The following CAPZA1 variants were observed in gnomAD, a reference collection of about 807,000 sequenced individuals.
CAPZA1 encodes F-actin-capping protein subunit alpha-1.
CAPZA1 carries 10 observed loss-of-function variants against 40.8 expected under a neutral mutation model. The observed-to-expected ratio is 0.25, with a 90% CI of 0.15 to 0.42. The LOEUF is 0.42. Ranked by LOEUF, CAPZA1 falls within the 10% of genes least tolerant of loss-of-function variation. CAPZA1 has a pLI of 1.00. For missense variants in CAPZA1, 277 were observed against 353.8 expected (o/e 0.78, Z 1.74); for synonymous variants, 98 against 115.0 (o/e 0.85, Z 0.95).
chr1:112,655,626 C>T (rs565531646), intron 5 of CAPZA1, among the ~76,000 whole-genome samples: 17 of 152,064 alleles, frequency 1.1e-4, no homozygotes, highest in South Asian at 2.1e-4. Flanking sequence ...GCAGGGGCAC[C>T]GTGTCAGCTC....
At chr1:112,648,699 AC>A (rs1298074229) in intron 2 of CAPZA1, among the ~76,000 whole-genome samples, 5 of 151,478 alleles carry the variant, frequency 3.3e-5, no homozygotes, top group African/African-American at 1.2e-4. Context: ...GTGGTGGCTC[AC>A]ACCTGGAATC....
chr1:112,653,523 T>C (rs753934292), intron 3 of CAPZA1, 75 bp from the exon 4 acceptor site: 48 of 964,380 alleles, frequency 5.0e-5, no homozygotes, highest in Non-Finnish European at 7.0e-5. Context: ...CCACCTTTTG[T>C]GTTTATTTAC....
chr1:112,640,467 C>G (rs1251610669), intron 1 of CAPZA1, among the ~76,000 whole-genome samples: 1 of 134,110 alleles, frequency 7.5e-6, no homozygotes, highest in South Asian at 2.3e-4. Context: ...GCCCAGCCAG[C>G]CGCCCAGTCC....
intron 1 of CAPZA1, among the ~76,000 whole-genome samples, chr1:112,637,905 G>GT (rs1671053206): frequency 6.6e-6 from 1 of 152,190 alleles, no homozygotes. Context: ...ATGCTTAACA[G>GT]TTGGGACAGA....
chr1:112,649,502 A>T, intron 3 of CAPZA1, 33 bp downstream of exon 3: 2 of 1,516,416 alleles, frequency 1.3e-6, no homozygotes, highest in Non-Finnish European at 9.2e-7. Flanking sequence ...TTAGAATGTT[A>T]CTCTAACATT....
chr1:112,665,312 G>C (rs538525620), intron 7 of CAPZA1, among the ~76,000 whole-genome samples: 5 of 151,792 alleles, frequency 3.3e-5, no homozygotes, highest in African/African-American at 9.7e-5. Context: ...AAGTAGCTGG[G>C]ATTACAGATG....
At chr1:112,631,950 A>G (rs1342996186) in intron 1 of CAPZA1, among the ~76,000 whole-genome samples, 1 of 152,240 alleles carries the variant, frequency 6.6e-6, no homozygotes, top group East Asian at 1.9e-4. Context: ...ATGAAATACA[A>G]TGACTCTTAG....
At chr1:112,649,624 A>T (rs1183506376) in intron 3 of CAPZA1, 155 bp downstream of exon 3, 2 of 643,972 alleles carry the variant, frequency 3.1e-6, no homozygotes, top group South Asian at 1.9e-5. Context: ...TGGAGAAAAC[A>T]TGTTCCCCCA....
intron 1 of CAPZA1, among the ~76,000 whole-genome samples, chr1:112,629,984 T>TA (rs1314499502): frequency 6.6e-6 from 1 of 152,194 alleles, no homozygotes; most frequent in Non-Finnish European, 1.5e-5. Flanking sequence ...TTCTGTGCCT[T>TA]ATGTTATCTG....
chr1:112,664,751 A>G (rs1424553221), intron 7 of CAPZA1, among the ~76,000 whole-genome samples: 2 of 152,224 alleles, frequency 1.3e-5, no homozygotes, highest in African/African-American at 2.4e-5. Flanking sequence ...CCTGGCCAAC[A>G]TGGTGAAACC....
intron 1 of CAPZA1, among the ~76,000 whole-genome samples, chr1:112,628,211 G>A (rs778158386): frequency 6.6e-6 from 1 of 152,128 alleles, no homozygotes; most frequent in East Asian, 1.9e-4. Flanking sequence ...TATTGAATCA[G>A]AATTTTTTGG....
In CAPZA1 at chr1:112,656,466, T is replaced by TTTTTA. The variant is rs1553180448; in HGVS notation, c.426+1795_426+1796insTTTTA. On this transcript the variant is annotated intron_variant, in intron 5 of 9. Coordinates refer to ENST00000263168, the MANE Select transcript of CAPZA1 (RefSeq NM_006135.3). ...TTTTTTTTTTTTTTTTTTTTTTTTT[T>TTTTTA]AATGAGAATACCCATTATGGTGGAC... 6.4e-5 allele frequency among the ~76,000 whole-genome samples: 6 copies of TTTTTA among 94,408 alleles called. 1 individual carries two copies. Among genetic ancestry groups the TTTTTA allele is most frequent in the South Asian group, 9.0e-4 (2 of 2,228 alleles). 61.9% of individuals were successfully genotyped at this position (94,408 alleles called of 152,430 possible).
intron 1 of CAPZA1, among the ~76,000 whole-genome samples, chr1:112,638,789 G>T (rs942319038): frequency 1.3e-5 from 2 of 151,168 alleles, no homozygotes; most frequent in Non-Finnish European, 3.0e-5. Context: ...ACAAACATTA[G>T]CCAGGTGTGG....
Position 112,654,755 on chromosome 1 carries a change from C to T in CAPZA1, c.426+84C>T, listed in dbSNP as rs1406064367. On this transcript the variant is annotated intron_variant, in intron 5 of 9. Transcript: ENST00000263168. ...TGGAGGCTTTGGCCTACCAAACATCCCTACTTTCTTCTTAGCCATGCTCTC... is the reference window on the plus strand; with the variant it reads ...TGGAGGCTTTGGCCTACCAAACATCTCTACTTTCTTCTTAGCCATGCTCTC... 4 of 855,122 alleles carry T rather than the reference C, an allele frequency of 4.7e-6. No homozygotes were observed. The East Asian group carries it at 9.9e-5, about 21-fold the overall frequency. The allele number at this position is 855,122 out of a possible 1,614,324, so 53.0% of individuals were successfully genotyped here.
At chr1:112,654,933 C>T (rs918333279) in intron 5 of CAPZA1, among the ~76,000 whole-genome samples, 53 of 151,992 alleles carry the variant, frequency 3.5e-4, no homozygotes, top group South Asian at 2.1e-4. Context: ...ATGCCTTACA[C>T]CCATCAGAAA....
chr1:112,647,268 TC>T lies in CAPZA1; in HGVS notation c.99del (p.Phe33LeufsTer33). ...HAPPGEFNEVFNDVRLLLNND... is the reference protein window; with the variant it reads ...HAPPGEFNEVXNDVRLLLNND... The stretch of plus-strand genomic sequence containing the variant: ...CCCCCAGGGGAATTTAATGAAGTAT[TC>T]AATGGTGAGTAAAGATTAGTATTTT... On this transcript the variant is annotated frameshift_variant, in exon 2 of 10. Coordinates refer to ENST00000263168, the MANE Select transcript of CAPZA1 (RefSeq NM_006135.3). LOFTEE classifies it high-confidence loss of function. 1 of 1,494,942 alleles carries T rather than the reference TC, an allele frequency of 6.7e-7. No homozygotes were observed. Among genetic ancestry groups the T allele is most frequent in the Non-Finnish European group, 9.0e-7 (1 of 1,106,020 alleles). The allele number at this position is 1,494,942 out of a possible 1,614,324, so 92.6% of individuals were successfully genotyped here. A position where few individuals can be genotyped will look rare whatever the true frequency, so the allele number is the denominator to read the frequency against.
intron 1 of CAPZA1, among the ~76,000 whole-genome samples, chr1:112,625,153 T>TAC (rs1395387007): frequency 1.3e-5 from 2 of 152,058 alleles, no homozygotes; most frequent in Admixed American, 6.5e-5. Context: ...GTCCACAGTT[T>TAC]GGGTGCCTCT....
At chr1:112,636,975 C>T (rs6537747) in intron 1 of CAPZA1, among the ~76,000 whole-genome samples, 108,279 of 152,114 alleles carry the variant, frequency 0.71, 39,081 homozygotes, top group South Asian at 0.86. Context: ...ACAACTGCAT[C>T]TTTCACAAGC....
intron 7 of CAPZA1, among the ~76,000 whole-genome samples, chr1:112,663,528 GTCTC>G (rs1281787237): frequency 6.6e-6 from 1 of 151,526 alleles, no homozygotes; most frequent in Non-Finnish European, 1.5e-5. Flanking sequence ...GTGGATTCCA[GTCTC>G]TCTCTGTCAC....
Sources: gnomAD v4.1 joint callset for allele counts (sites outside exome capture counted in the v4.1 genomes callset) on GRCh38, gnomAD v4.1.1 for gene constraint, MANE v1.5 for transcripts, NCBI Gene and HGNC (gene_info 2026-07-23, HGNC 2026-07-21) for gene names.